The following RAB23 variants were observed in gnomAD, a reference collection of about 807,000 sequenced individuals.
RAB23 encodes the protein ras-related protein Rab-23.
Under a neutral mutation model 30.0 loss-of-function variants are expected in RAB23, and 15 were observed. The observed-to-expected ratio is 0.50, with a 90% CI of 0.33 to 0.77. The LOEUF is 0.77. Ranked by LOEUF, RAB23 falls within the 30% of genes least tolerant of loss-of-function variation. RAB23 has a pLI of 0.02. For synonymous variants in RAB23, 93 were observed against 94.0 expected (o/e 0.99, Z 0.06); for missense variants, 243 against 275.4 (o/e 0.88, Z 0.83).
chr6:57,187,289 TCATC>T lies in RAB23; in HGVS notation c.*3168_*3171del, dbSNP rs1179984936. 2.0e-5 allele frequency: 3 copies of T among 152,206 alleles called. No individual in the cohort carries two copies. Among genetic ancestry groups the T allele is most frequent in the Non-Finnish European group, 4.4e-5 (3 of 68,028 alleles). The allele number at this position is 152,206 out of a possible 1,614,324, so 9.4% of individuals were successfully genotyped here. ...AATAATAAAGATTATTATAGCCAAA[TCATC>T]CAGTTAGCCAGGAGTTTGATGACTG... On this transcript the variant is annotated 3_prime_UTR_variant, in exon 7 of 7. Transcript: ENST00000468148.
chr6:57,195,088 T>C (rs1764971981), intron 4 of RAB23, among the ~76,000 whole-genome samples: 1 of 152,218 alleles, frequency 6.6e-6, no homozygotes, highest in South Asian at 2.1e-4. Flanking sequence ...ATTTTAGTTT[T>C]CACTACTCTT....
intron 3 of RAB23, among the ~76,000 whole-genome samples, chr6:57,200,536 CAAAAA>C (rs989178921): frequency 2.3e-5 from 1 of 42,644 alleles, no homozygotes; most frequent in Non-Finnish European, 4.9e-5. Context: ...GACTCTGTCT[CAAAAA>C]AAAAAAAAAA....
intron 1 of RAB23, among the ~76,000 whole-genome samples, chr6:57,211,128 G>A (rs770563001): frequency 2.0e-5 from 3 of 152,052 alleles, no homozygotes; most frequent in South Asian, 2.1e-4. Context: ...GTTTAGACTC[G>A]GGTCCTGTCC....
chr6:57,189,162 G>A lies in RAB23; in HGVS notation c.*1299C>T, dbSNP rs1028475449. The A allele has an allele frequency of 6.6e-6, 1 of 152,176 alleles. No individual in the cohort carries two copies. Among genetic ancestry groups the A allele is most frequent in the Non-Finnish European group, 1.5e-5 (1 of 68,036 alleles). The allele number at this position is 152,176 out of a possible 1,614,324, so 9.4% of individuals were successfully genotyped here. ...TACTGTCCCAAGTGACAAAATTTAT[G>A]TCCTGACACATGATTACATATTAAA... On this transcript the variant is annotated 3_prime_UTR_variant, in exon 7 of 7. Coordinates refer to ENST00000468148, the MANE Select transcript of RAB23 (RefSeq NM_016277.5).
intron 3 of RAB23, among the ~76,000 whole-genome samples, chr6:57,198,384 G>C (rs978317204): frequency 1.9e-4 from 29 of 152,108 alleles, no homozygotes; most frequent in Middle Eastern, 6.8e-3. Context: ...TGTGGTGGCG[G>C]GTGCCTGTAG....
At chr6:57,193,433 C>G (rs1435826071) in intron 6 of RAB23, among the ~76,000 whole-genome samples, 4 of 152,122 alleles carry the variant, frequency 2.6e-5, no homozygotes, top group Non-Finnish European at 2.9e-5. Flanking sequence ...GAGAACACAA[C>G]ACACTTGTTC....
intron 6 of RAB23, 109 bp from the exon 7 acceptor site, chr6:57,190,709 TA>T: frequency 7.0e-7 from 1 of 1,428,956 alleles, no homozygotes; most frequent in Non-Finnish European, 9.8e-7. Context: ...ACAGTTTCTC[TA>T]AAATTGTAGT....
At chr6:57,214,757 A>G (rs1171258315) in intron 1 of RAB23, among the ~76,000 whole-genome samples, 1 of 152,204 alleles carries the variant, frequency 6.6e-6, no homozygotes, top group Non-Finnish European at 1.5e-5. Context: ...GAATCACAAC[A>G]TAACACTCCC....
At position 57,196,452 on chromosome 6, in the gene RAB23, C is replaced by G; in HGVS notation, c.396G>C (p.Lys132Asn). ...TTCCCCAAAAGTAGCCATCTTACTT[C>G]TTTATACAAGAATCATCCAGAAGAT... ...KIDLLDDSCI[K>N]NEEAEALAKR... The change falls in exon 4 of 7, where the codon AAG becomes AAC. Residue 132 changes from lysine (K) to asparagine (N), a missense_variant and splice_region_variant. By Grantham distance (94) the Lys-to-Asn change is moderately conservative. Coordinates refer to ENST00000468148, the MANE Select transcript of RAB23 (RefSeq NM_016277.5). 6.2e-7 allele frequency: 1 copy of G among 1,613,916 alleles called. No individual in the cohort carries two copies. Among genetic ancestry groups the G allele is most frequent in the Non-Finnish European group, 8.5e-7 (1 of 1,179,914 alleles).
At chr6:57,201,056 C>T (rs1202433527) in intron 3 of RAB23, among the ~76,000 whole-genome samples, 1 of 151,734 alleles carries the variant, frequency 6.6e-6, no homozygotes, top group Admixed American at 6.6e-5. Context: ...TGAAGCAGAT[C>T]CTAAAATTCA....
chr6:57,191,786 A>G (rs1414106548), intron 6 of RAB23, among the ~76,000 whole-genome samples: 3 of 152,056 alleles, frequency 2.0e-5, no homozygotes, highest in South Asian at 4.1e-4. Flanking sequence ...ACTTCACATC[A>G]TATCACTTCC....
rs1160464672 is a variant in RAB23, at chr6:57,207,735, T to C, written c.156-22A>G. ...AACTCTAAAACAAGAGATGAATTTA[T>C]TTCATATGTAAAGGAAAATGTTTTT... On this transcript the variant is annotated intron_variant, in intron 2 of 6. Coordinates refer to ENST00000468148, the MANE Select transcript of RAB23 (RefSeq NM_016277.5). 2.0e-6 allele frequency: 3 copies of C among 1,466,898 alleles called. No homozygotes were observed. The Admixed American group carries it at 5.1e-5, about 25-fold the overall frequency. The allele number at this position is 1,466,898 out of a possible 1,614,324, so 90.9% of individuals were successfully genotyped here.
chr6:57,212,748 A>G (rs1323974119), intron 1 of RAB23, among the ~76,000 whole-genome samples: 1 of 150,780 alleles, frequency 6.6e-6, no homozygotes, highest in Non-Finnish European at 1.5e-5. Flanking sequence ...TTGGCCAGGC[A>G]TGGTGGCGTG....
intron 1 of RAB23, among the ~76,000 whole-genome samples, chr6:57,215,107 C>T (rs1347476059): frequency 6.6e-6 from 1 of 152,034 alleles, no homozygotes; most frequent in African/African-American, 2.4e-5. Context: ...CTTGAACATA[C>T]AATCTGAGCC....
rs887027707 is a variant in RAB23 at position 57,213,274 on chromosome 6, C to T, written c.-65-2829G>A. On this transcript the variant is annotated intron_variant, in intron 1 of 6. Coordinates refer to ENST00000468148, the MANE Select transcript of RAB23 (RefSeq NM_016277.5). The stretch of plus-strand genomic sequence containing the variant: ...TCCTGCTGTGTGGCCCAGTTCCTAA[C>T]AGGCCACAGAACGGTACCAGTCCAC... Among the ~76,000 whole-genome samples, 61 of 152,178 alleles carry T rather than the reference C, an allele frequency of 4.0e-4. 1 individual carries two copies. Among genetic ancestry groups the T allele is most frequent in the Non-Finnish European group, 2.4e-4 (16 of 68,034 alleles).
chr6:57,219,433 A>G (rs1178976649), intron 1 of RAB23, among the ~76,000 whole-genome samples: 2 of 152,364 alleles, frequency 1.3e-5, no homozygotes, highest in African/African-American at 2.4e-5. Context: ...TACAATTTCA[A>G]TCAAAGCACC....
intron 1 of RAB23, among the ~76,000 whole-genome samples, chr6:57,220,472 T>C (rs1343595132): frequency 6.6e-6 from 1 of 152,230 alleles, no homozygotes; most frequent in African/African-American, 2.4e-5. Flanking sequence ...GATTGATTCA[T>C]AATCACAGAA....
intron 2 of RAB23, among the ~76,000 whole-genome samples, chr6:57,209,951 G>A (rs1482860144): frequency 3.3e-5 from 5 of 151,308 alleles, no homozygotes; most frequent in East Asian, 1.9e-4. Context: ...TGTTTAAGAC[G>A]TGCCCAAGGT....
intron 1 of RAB23, among the ~76,000 whole-genome samples, chr6:57,215,874 T>A (rs920057507): frequency 6.6e-6 from 1 of 152,090 alleles, no homozygotes; most frequent in African/African-American, 2.4e-5. Flanking sequence ...TGGGGAAGGA[T>A]AAAGGACTAT....
Sources: gnomAD v4.1 joint callset for allele counts (sites outside exome capture counted in the v4.1 genomes callset) on GRCh38, gnomAD v4.1.1 for gene constraint, MANE v1.5 for transcripts, NCBI Gene and HGNC (gene_info 2026-07-23, HGNC 2026-07-21) for gene names.